Variants in MYO10 observed in about 807,000 individuals in gnomAD.
The protein encoded by MYO10 is unconventional myosin-X.
Under a neutral mutation model 257.3 loss-of-function variants are expected in MYO10, and 133 were observed. The observed-to-expected ratio is 0.52, with a 90% CI of 0.45 to 0.60. The LOEUF (loss-of-function observed/expected upper bound fraction) is 0.60, where lower values mean the gene tolerates loss of function less well. Ranked by LOEUF, MYO10 falls within the 20% of genes least tolerant of loss-of-function variation. The pLI, the probability that MYO10 is intolerant of heterozygous loss-of-function variation, is 0.00. For missense variants in MYO10, 2,399 were observed against 2,635.7 expected (o/e 0.91, Z 1.97); for synonymous variants, 1,104 against 1,028.6 (o/e 1.07, Z -1.40).
Position 16,671,901 on chromosome 5 carries a change from T to C in MYO10, c.5310-359A>G, listed in dbSNP as rs1426149758. Among the ~76,000 whole-genome samples the C allele has an allele frequency of 1.6e-4, 24 of 152,210 alleles. 1 individual carries two copies. The highest frequency in any genetic ancestry group is 1.5e-5 in the Non-Finnish European group (1 of 68,036). On this transcript the variant is annotated intron_variant, in intron 37 of 40. Transcript: ENST00000513610. ...GCCTCAGATACATTATGATAACATT[T>C]ATAAAAATTGATGTGAATACTCTTG...
intron 1 of MYO10, among the ~76,000 whole-genome samples, chr5:16,891,699 C>G (rs915204406): frequency 2.0e-5 from 3 of 152,082 alleles, no homozygotes; most frequent in Non-Finnish European, 4.4e-5. Context: ...TAGACTCACA[C>G]CTGACCTCAT....
At chr5:16,760,883 AG>A (rs1740689995) in intron 17 of MYO10, among the ~76,000 whole-genome samples, 1 of 152,144 alleles carries the variant, frequency 6.6e-6, no homozygotes, top group South Asian at 2.1e-4. Context: ...CATCTGCATA[AG>A]AGGATTAATA....
At chr5:16,668,067 G>A (rs1336164463) in intron 40 of MYO10, among the ~76,000 whole-genome samples, 2 of 152,082 alleles carry the variant, frequency 1.3e-5, no homozygotes. Flanking sequence ...AGATTCCTCT[G>A]TTGCAAAAGT....
intron 39 of MYO10, among the ~76,000 whole-genome samples, chr5:16,669,522 G>A (rs1252793388): frequency 1.3e-5 from 2 of 152,188 alleles, no homozygotes; most frequent in Non-Finnish European, 2.9e-5. Flanking sequence ...AGCTTTCTAT[G>A]CTAATTCACA....
chr5:16,780,398 A>G, intron 8 of MYO10, 126 bp downstream of exon 8: 1 of 875,404 alleles, frequency 1.1e-6, no homozygotes, highest in Non-Finnish European at 1.8e-6. Context: ...TGGTGTTCGC[A>G]TAGTGTACAT....
At chr5:16,787,702 T>C (rs1741629450) in intron 4 of MYO10, among the ~76,000 whole-genome samples, 1 of 151,216 alleles carries the variant, frequency 6.6e-6, no homozygotes, top group African/African-American at 2.4e-5. Flanking sequence ...ACAGGCTGTA[T>C]TAAAAATTGT....
At chr5:16,717,075 G>A (rs1358643048) in intron 19 of MYO10, among the ~76,000 whole-genome samples, 1 of 152,150 alleles carries the variant, frequency 6.6e-6, no homozygotes, top group African/African-American at 2.4e-5. Flanking sequence ...GACCTCAGGT[G>A]ATCCACCCAC....
chr5:16,839,606 G>A (rs1021634058), intron 2 of MYO10, among the ~76,000 whole-genome samples: 2 of 152,044 alleles, frequency 1.3e-5, no homozygotes, highest in African/African-American at 2.4e-5. Context: ...AGCCAGGCAC[G>A]GTGGCGTATG....
intron 2 of MYO10, among the ~76,000 whole-genome samples, chr5:16,837,708 T>C (rs1259096179): frequency 6.6e-6 from 1 of 152,158 alleles, no homozygotes; most frequent in Admixed American, 6.5e-5. Flanking sequence ...ATGCAAGGTG[T>C]CTGATATATG....
chr5:16,688,740 C>CA (rs1356942277), intron 28 of MYO10, among the ~76,000 whole-genome samples: 28 of 114,044 alleles, frequency 2.5e-4, no homozygotes, highest in Middle Eastern at 4.3e-3. Flanking sequence ...AACTCTGTCT[C>CA]AAAAAAAAAG....
At chr5:16,713,555 G>A (rs1738715755) in intron 19 of MYO10, 1 of 918,556 alleles carries the variant, frequency 1.1e-6, no homozygotes, top group Non-Finnish European at 1.3e-6. Flanking sequence ...AGCCAGGGGA[G>A]GGGAGGGAGG....
rs985344118 is a variant in MYO10, at chr5:16,902,433, T to C, written c.22-24726A>G. Reference sequence around the variant, plus strand: ...TGCACAACTCAGACAGTAATGTAACTTCACATACAGCTTGGGAAGCACATA... The same window carrying C: ...TGCACAACTCAGACAGTAATGTAACCTCACATACAGCTTGGGAAGCACATA... On this transcript the variant is annotated intron_variant, in intron 1 of 40. Transcript: ENST00000513610. The C allele has an allele frequency of 8.1e-6, 10 of 1,232,296 alleles. No homozygotes were observed. The South Asian group carries it at 8.4e-5, about 10-fold the overall frequency. 76.3% of individuals were successfully genotyped at this position (1,232,296 alleles called of 1,614,324 possible).
Position 16,832,688 on chromosome 5 carries a change from GCCCAGAT to G in MYO10, c.121-14528_121-14522del, listed in dbSNP as rs368213926. Among the ~76,000 whole-genome samples the G allele has an allele frequency of 3.0e-3, 453 of 152,250 alleles. 6 individuals carry two copies. Among genetic ancestry groups the G allele is most frequent in the African/African-American group, 9.8e-3 (409 of 41,556 alleles). The stretch of plus-strand genomic sequence containing the variant: ...TGGAGCCCTGTCTTCTCAGTCATAA[GCCCAGAT>G]CCCTTCAGGTAACATGGCTATCACA... On this transcript the variant is annotated intron_variant, in intron 2 of 40. Transcript: ENST00000513610.
chr5:16,926,260 C>T (rs555542547), intron 1 of MYO10, among the ~76,000 whole-genome samples: 2 of 152,086 alleles, frequency 1.3e-5, no homozygotes, highest in Non-Finnish European at 2.9e-5. Flanking sequence ...AATTAAAATA[C>T]TTTGTAGTAC....
intron 1 of MYO10, chr5:16,902,596 C>T (rs1338381331): frequency 2.2e-5 from 34 of 1,569,514 alleles, no homozygotes; most frequent in South Asian, 1.7e-4. Context: ...TGCACGTGGC[C>T]GCGGCCCTTT....
intron 33 of MYO10, among the ~76,000 whole-genome samples, chr5:16,678,626 T>G (rs1453486109): frequency 6.6e-6 from 1 of 152,178 alleles, no homozygotes; most frequent in Non-Finnish European, 1.5e-5. Context: ...AATCTGGTTC[T>G]AAACACCTAA....
chr5:16,668,720 C>T (rs1049764745), intron 39 of MYO10, among the ~76,000 whole-genome samples: 1 of 152,200 alleles, frequency 6.6e-6, no homozygotes, highest in Non-Finnish European at 1.5e-5. Flanking sequence ...TGCTTTGACT[C>T]TCCACTTCTC....
At chr5:16,737,300 C>A (rs944022178) in intron 19 of MYO10, among the ~76,000 whole-genome samples, 3 of 152,134 alleles carry the variant, frequency 2.0e-5, no homozygotes, top group Non-Finnish European at 4.4e-5. Flanking sequence ...AAGCATCTGG[C>A]ACACTTTAAT....
Position 16,877,680 on chromosome 5 carries a change from C to T in MYO10, c.49G>A (p.Gly17Ser), listed in dbSNP as rs747131641. 6 of 1,613,604 alleles carry T rather than the reference C, an allele frequency of 3.7e-6. No homozygotes were observed. The South Asian group carries it at 6.6e-5, about 18-fold the overall frequency. ...TTTACAGTACTTGGAAAATGCTGGC[C>T]ATTTTCTCTCAGCCAGACCCGTGTT... Reference protein sequence around the residue: ...EGTRVWLRENGQHFPSTVNSC... With the variant: ...EGTRVWLRENSQHFPSTVNSC... Residue 17 changes from glycine (G) to serine (S), a missense_variant, in exon 2 of 41, where the codon GGC becomes AGC. Transcript: ENST00000513610.
Sources: allele counts gnomAD v4.1 joint callset (sites outside exome capture counted in the v4.1 genomes callset), GRCh38; gene constraint gnomAD v4.1.1; transcripts MANE v1.5; gene names NCBI Gene and HGNC (gene_info 2026-07-23, HGNC 2026-07-21).